The following SZT2 variants were observed in gnomAD, a reference collection of about 807,000 sequenced individuals.
SZT2 encodes the protein SZT2 subunit of KICSTOR complex, also known as KICSTOR complex protein SZT2.
A neutral mutation model predicts 404.2 loss-of-function variants in SZT2; 216 were observed. The ratio of observed to expected loss-of-function variants is 0.53; its 90% CI spans 0.48 to 0.60. The LOEUF (loss-of-function observed/expected upper bound fraction) is 0.60, where lower values mean the gene tolerates loss of function less well. Ranked by LOEUF, SZT2 falls within the 20% of genes least tolerant of loss-of-function variation. The probability of loss-of-function intolerance (pLI) is 0.00; values close to 1 mark genes in which losing one functional copy is unlikely to be tolerated. For synonymous variants in SZT2, 1,693 were observed against 1,749.9 expected, an observed-to-expected ratio of 0.97 and a Z score of 0.81; for missense variants, 3,857 against 4,459.2, an observed-to-expected ratio of 0.86 and a Z score of 3.85.
At position 43,437,285 on chromosome 1, in the gene SZT2, CA is replaced by C; in HGVS notation, c.6150del (p.Arg2051AlafsTer27). 1 of 1,614,108 alleles carries C rather than the reference CA, an allele frequency of 6.2e-7. No homozygotes were observed. Among genetic ancestry groups the C allele is most frequent in the Non-Finnish European group, 8.5e-7 (1 of 1,180,040 alleles). On this transcript the variant is annotated frameshift_variant, in exon 43 of 72. Transcript: ENST00000634258. LOFTEE classifies it high-confidence loss of function. The surrounding 1 kb of genome is among the most constrained non-coding windows in gnomAD (Gnocchi z 5.3). The part of the protein sequence containing the change: ...VVWGTVIRVH[S>X]RLKMGPSMGV... ...TGGGGAACTGTGATCCGAGTCCATT[CA>C]CGCCTCAAAATGGGGCCCAGCATGG... is the stretch of plus-strand genomic sequence containing the variant.
chr1:43,393,831 T>C (rs1648682778), intron 1 of SZT2, among the ~76,000 whole-genome samples: 1 of 152,176 alleles, frequency 6.6e-6, no homozygotes, highest in Non-Finnish European at 1.5e-5. Context: ...TAGACCTCAA[T>C]AAATATTCCA....
chr1:43,427,823 A>T, intron 26 of SZT2, 89 bp downstream of exon 26: 2 of 1,471,726 alleles, frequency 1.4e-6, no homozygotes, highest in Non-Finnish European at 1.8e-6. Context: ...TGGGCAGGTA[A>T]GTTGCTGCCA....
rs1208580455 is a variant in SZT2 at position 43,453,887 on chromosome 1, G to A, written c.*3407G>A. ...GGGCGGGGGCGGGGCTCTCCTTGCT[G>A]GCCCTGCGAACGAACGAGCACTGTT... On this transcript the variant is annotated 3_prime_UTR_variant, in exon 72 of 72. Transcript: ENST00000634258. The A allele has an allele frequency of 7.3e-6, 9 of 1,224,878 alleles. No homozygotes were observed. In the East Asian group the frequency reaches 3.1e-4, roughly 42 times the overall value. The allele number at this position is 1,224,878 out of a possible 1,614,324, so 75.9% of individuals were successfully genotyped here.
chr1:43,423,882 G>A (rs905538011), intron 15 of SZT2, among the ~76,000 whole-genome samples: 2 of 145,078 alleles, frequency 1.4e-5, no homozygotes, highest in African/African-American at 2.6e-5. Context: ...GTGGCTTAGC[G>A]GGGTATGAGT....
chr1:43,437,825 G>A lies in SZT2; in HGVS notation c.6431G>A (p.Arg2144His), dbSNP rs148576640. The A allele has an allele frequency of 1.5e-5, 24 of 1,613,996 alleles. No individual in the cohort carries two copies. Among genetic ancestry groups the A allele is most frequent in the East Asian group, 8.9e-5 (4 of 44,886 alleles). The change falls in exon 46 of 72, where the codon CGC becomes CAC. Residue 2144 changes from arginine (R) to histidine (H), a missense_variant. Coordinates refer to ENST00000634258, the MANE Select transcript of SZT2 (RefSeq NM_001365999.1). This position sits in a 1 kb window ranked among gnomAD's most constrained non-coding sequence, Gnocchi z 5.3. ...TCTCCCTTAGACATGGTCTCTAGCC[G>A]CAGTTCAGATGCTGCTCGTCCTGTG... ...PRSPLDMVSS[R>H]SSDAARPVGQ... is the part of the protein sequence containing the mutation.
At chr1:43,429,545 A>G in intron 28 of SZT2, 158 bp from the exon 29 acceptor site, 1 of 771,880 alleles carries the variant, frequency 1.3e-6, no homozygotes, top group South Asian at 1.8e-5. Context: ...CAAAATGTGT[A>G]GGTTGGTTCT....
rs748569279 is a variant in SZT2, at chr1:43,446,407, C to A, written c.9063C>A (p.Val3021=). 1.9e-6 allele frequency: 3 copies of A among 1,614,158 alleles called. No homozygotes were observed. Among genetic ancestry groups the A allele is most frequent in the Non-Finnish European group, 2.5e-6 (3 of 1,180,060 alleles). ...ECSRIPMGQA[V]NSQLSMLFTE... ...CCCGAATCCCAATGGGGCAGGCTGT[C>A]AACTCACAGGTATGTGAATGAGCTG... Residue 3021 remains valine, a synonymous_variant, in exon 65 of 72, where the codon GTC becomes GTA. Coordinates refer to ENST00000634258, the MANE Select transcript of SZT2 (RefSeq NM_001365999.1).
chr1:43,403,538 A>T, intron 2 of SZT2, 63 bp from the exon 3 acceptor site: 1 of 1,561,458 alleles, frequency 6.4e-7, no homozygotes, highest in Non-Finnish European at 8.8e-7. Flanking sequence ...TATAGAAGGC[A>T]GGTCCTGGGA....
chr1:43,421,384 C>T, intron 11 of SZT2, 81 bp downstream of exon 11: 1 of 1,541,248 alleles, frequency 6.5e-7, no homozygotes, highest in South Asian at 1.2e-5. Context: ...CCACCACCTT[C>T]TATTCCTTTC....
At chr1:43,440,401 G>A (rs1654933428) in intron 51 of SZT2, 52 bp from the exon 52 acceptor site, 1 of 1,522,956 alleles carries the variant, frequency 6.6e-7, no homozygotes, top group South Asian at 1.3e-5. Flanking sequence ...CAGTTTTCTA[G>A]AATGGGGATT....
intron 1 of SZT2, among the ~76,000 whole-genome samples, chr1:43,399,741 G>A (rs909186453): frequency 2.7e-5 from 4 of 150,752 alleles, no homozygotes; most frequent in Admixed American, 6.6e-5. Flanking sequence ...GATTACAGAC[G>A]TGAGCCATGG....
In SZT2 at chr1:43,451,882, CAA is replaced by C; in HGVS notation, c.*1403_*1404del. 1 of 1,614,066 alleles carries C rather than the reference CAA, an allele frequency of 6.2e-7. No individual in the cohort carries two copies. The highest frequency in any genetic ancestry group is 8.5e-7 in the Non-Finnish European group (1 of 1,179,952). ...AAGCCAGGGAGGGGACCGTGAGCCT[CAA>C]GAGCACAGGAATCAAAAGGGACAGA... On this transcript the variant is annotated 3_prime_UTR_variant, in exon 72 of 72. Coordinates refer to ENST00000634258, the MANE Select transcript of SZT2 (RefSeq NM_001365999.1).
chr1:43,432,648 C>T, intron 38 of SZT2, 44 bp downstream of exon 38: 1 of 1,612,160 alleles, frequency 6.2e-7, no homozygotes, highest in Non-Finnish European at 8.5e-7. Context: ...AGGACCAGAT[C>T]CCTGACCATG....
chr1:43,442,585 T>A lies in SZT2; in HGVS notation c.8118T>A (p.Tyr2706Ter). 1 of 1,611,558 alleles carries A rather than the reference T, an allele frequency of 6.2e-7. No individual in the cohort carries two copies. The highest frequency in any genetic ancestry group is 1.7e-4 in the Middle Eastern group (1 of 6,056). Residue 2706 changes from tyrosine (Y) to a stop codon, truncating the protein, a stop_gained, in exon 58 of 72, where the codon TAT becomes TAA. Coordinates refer to ENST00000634258, the MANE Select transcript of SZT2 (RefSeq NM_001365999.1). LOFTEE classifies it high-confidence loss of function. This position sits in a 1 kb window ranked among gnomAD's most constrained non-coding sequence, Gnocchi z 4.5. Reference sequence around the variant, plus strand: ...AGAAGCTTGGCCTCTTCCATCATTATGGCCAGTTGGACTTCCCCGTGCGAG... The same window carrying A: ...AGAAGCTTGGCCTCTTCCATCATTAAGGCCAGTTGGACTTCCCCGTGCGAG... ...LSQKLGLFHH[Y>*]GQLDFPVRDE... is the part of the protein sequence containing the mutation.
intron 28 of SZT2, 130 bp from the exon 29 acceptor site, chr1:43,429,573 C>A (rs1653603472): frequency 9.0e-7 from 1 of 1,115,466 alleles, no homozygotes; most frequent in East Asian, 2.4e-5. Context: ...TCTTTTACCA[C>A]CCATGCCATT....
chr1:43,435,452 G>T, intron 42 of SZT2, 123 bp downstream of exon 42: 1 of 1,119,640 alleles, frequency 8.9e-7, no homozygotes, highest in Non-Finnish European at 1.3e-6. Flanking sequence ...AAGTACTAGA[G>T]AGAGAGCAAG....
chr1:43,446,445 G>A (rs775416111), intron 65 of SZT2, 29 bp downstream of exon 65: 2 of 1,613,640 alleles, frequency 1.2e-6, no homozygotes, highest in South Asian at 1.1e-5. Context: ...GGCACAGTCA[G>A]TGCACCCCAG....
chr1:43,444,925 C>T (rs1655499166), intron 62 of SZT2, among the ~76,000 whole-genome samples: 1 of 152,156 alleles, frequency 6.6e-6, no homozygotes, highest in Admixed American at 6.5e-5. Flanking sequence ...CCAGTTCCAA[C>T]TCTCTCATGT....
rs1307474499 is a variant in SZT2, at chr1:43,442,001, G to T, written c.7744G>T (p.Gly2582Cys). 2 of 1,611,658 alleles carry T rather than the reference G, an allele frequency of 1.2e-6. No individual in the cohort carries two copies. The highest frequency in any genetic ancestry group is 8.5e-7 in the Non-Finnish European group (1 of 1,178,596). ...TSVRIFEQHL[G>C]SEPEIFGPCS... The stretch of plus-strand genomic sequence containing the variant: ...TCTGTCTGTCCTCCCTTTCAATAGG[G>T]GTTCAGAGCCAGAGATCTTCGGCCC... Residue 2582 changes from glycine to cysteine, a missense_variant and splice_region_variant, in exon 56 of 72, where the codon GGT (glycine) becomes TGT (cysteine). Physicochemically the swap from Gly to Cys is radical, Grantham distance 159 (BLOSUM62 -3). This residue lies in a region of SZT2 where 573 missense variants were observed against 592.4 expected (regional missense o/e 0.97). Coordinates refer to ENST00000634258, the MANE Select transcript of SZT2 (RefSeq NM_001365999.1). This position sits in a 1 kb window ranked among gnomAD's most constrained non-coding sequence, Gnocchi z 4.5.
Sources: allele counts gnomAD v4.1 joint callset (sites outside exome capture counted in the v4.1 genomes callset), GRCh38; gene constraint gnomAD v4.1.1; regional missense constraint gnomAD v4.1.1; non-coding constraint Gnocchi (gnomAD v3.1); transcripts MANE v1.5; gene names NCBI Gene and HGNC (gene_info 2026-07-23, HGNC 2026-07-21).